EPHB1: variants seen among roughly 807,000 people sequenced by gnomAD.
EPHB1 encodes the protein ephrin type-B receptor 1.
EPHB1 carries 30 observed loss-of-function variants against 94.4 expected under a neutral mutation model. That is an observed-to-expected ratio of 0.32 (90% CI 0.24 to 0.43). EPHB1 has a LOEUF of 0.43. EPHB1 is among the 20% of genes least tolerant of loss of function. EPHB1 has a pLI of 1.00. For synonymous variants in EPHB1, 522 were observed against 489.1 expected, an observed-to-expected ratio of 1.07 and a Z score of -0.89; for missense variants, 1,055 against 1,308.3, an observed-to-expected ratio of 0.81 and a Z score of 2.99.
intron 12 of EPHB1, among the ~76,000 whole-genome samples, chr3:135,203,698 G>A (rs551846855): frequency 2.0e-5 from 3 of 152,110 alleles, no homozygotes; most frequent in Admixed American, 6.5e-5. Context: ...TCAACAATTA[G>A]GTGTGCCTTC....
At position 135,192,642 on chromosome 3, in the gene EPHB1, T is replaced by G; in HGVS notation, c.1949T>G (p.Ile650Ser). ...LPGKREIYVA[I>S]KTLKAGYSEK... ...GGCAAGAGGGAAATCTACGTGGCCA[T>G]CAAGACCCTGAAGGCAGGGTACTCG... is the stretch of plus-strand genomic sequence containing the variant. Residue 650 changes from isoleucine to serine, a missense_variant, in exon 11 of 16, where the codon ATC (isoleucine) becomes AGC (serine). Coordinates refer to ENST00000398015, the MANE Select transcript of EPHB1 (RefSeq NM_004441.5). 6.2e-7 allele frequency: 1 copy of G among 1,614,102 alleles called. No homozygotes were observed. The highest frequency in any genetic ancestry group is 8.5e-7 in the Non-Finnish European group (1 of 1,180,014).
chr3:135,096,391 C>T (rs1938762886), intron 3 of EPHB1, among the ~76,000 whole-genome samples: 1 of 152,178 alleles, frequency 6.6e-6, no homozygotes, highest in Non-Finnish European at 1.5e-5. Flanking sequence ...TAGAGCTATA[C>T]CAGAATCGCC....
Position 134,795,597 on chromosome 3 carries a change from C to T in EPHB1, c.-35C>T, listed in dbSNP as rs763513512. 3.1e-6 allele frequency: 5 copies of T among 1,598,818 alleles called. No homozygotes were observed. In the South Asian group the frequency reaches 4.4e-5, roughly 14 times the overall value. Reference sequence around the variant, plus strand: ...CGGCGCTCTCCCGGCGCTGCTGCCTCGGCTTGGTCTCGGCCTGCGGGCCGT... The same window carrying T: ...CGGCGCTCTCCCGGCGCTGCTGCCTTGGCTTGGTCTCGGCCTGCGGGCCGT... On this transcript the variant is annotated 5_prime_UTR_variant, in exon 1 of 16. Transcript: ENST00000398015.
chr3:135,062,481 G>A (rs9837752), intron 3 of EPHB1, among the ~76,000 whole-genome samples: 131,476 of 152,202 alleles, frequency 0.86, 57,120 homozygotes, highest in Admixed American at 0.92. Context: ...TTGGCCATTT[G>A]TATATTTCTT....
intron 2 of EPHB1, among the ~76,000 whole-genome samples, chr3:134,936,052 AG>A (rs1350748052): frequency 6.6e-6 from 1 of 152,050 alleles, no homozygotes; most frequent in Non-Finnish European, 1.5e-5. Context: ...CTAACCACAA[AG>A]CTCGCTTTTG....
chr3:134,795,406 AACACACAC>A lies in EPHB1; in HGVS notation c.-218_-211del. The A allele has an allele frequency of 1.9e-6, 1 of 529,694 alleles. No homozygotes were observed. The highest frequency in any genetic ancestry group is 3.3e-6 in the Non-Finnish European group (1 of 304,358). 32.8% of individuals were successfully genotyped at this position (529,694 alleles called of 1,614,324 possible). A position where few individuals can be genotyped will look rare whatever the true frequency, so the allele number is the denominator to read the frequency against. Reference sequence around the variant, plus strand: ...CACGCACACACCCACCTCTCCCATAAACACACACACACACATGCACACCCACACCCACG... The same window carrying A: ...CACGCACACACCCACCTCTCCCATAAACACACATGCACACCCACACCCACG... On this transcript the variant is annotated 5_prime_UTR_variant, in exon 1 of 16. It adds an upstream start codon to the 5' untranslated region. Transcript: ENST00000398015.
chr3:134,895,986 G>T (rs1401929611), intron 1 of EPHB1, among the ~76,000 whole-genome samples: 5 of 152,082 alleles, frequency 3.3e-5, no homozygotes, highest in African/African-American at 1.2e-4. Context: ...TTAGGGGCTG[G>T]GGAGAAGCAA....
In EPHB1 at chr3:135,090,850, T is replaced by C. The variant is rs1938525905; in HGVS notation, c.806-15598T>C. ...AAGAAGTAAAAATTATTTCTTTTGC[T>C]TACTTGTCCCACTTGAATGCTGCGT... is the stretch of plus-strand genomic sequence containing the variant. On this transcript the variant is annotated intron_variant, in intron 3 of 15. Coordinates refer to ENST00000398015, the MANE Select transcript of EPHB1 (RefSeq NM_004441.5). 3.9e-5 allele frequency among the ~76,000 whole-genome samples: 6 copies of C among 152,252 alleles called. No homozygotes were observed. The South Asian group carries it at 1.2e-3, about 31-fold the overall frequency.
At chr3:135,256,866 G>A (rs1420082973) in intron 15 of EPHB1, among the ~76,000 whole-genome samples, 1 of 150,664 alleles carries the variant, frequency 6.6e-6, no homozygotes, top group Non-Finnish European at 1.5e-5. Flanking sequence ...ATCAGACGTA[G>A]ATTTGGTCTT....
chr3:135,165,559 C>T (rs994128848), intron 7 of EPHB1, among the ~76,000 whole-genome samples: 10 of 152,204 alleles, frequency 6.6e-5, no homozygotes, highest in African/African-American at 2.4e-4. Flanking sequence ...AATCTATTGA[C>T]TCTGTGCCAT....
intron 3 of EPHB1, among the ~76,000 whole-genome samples, chr3:134,964,669 G>A (rs894565549): frequency 6.6e-6 from 1 of 152,206 alleles, no homozygotes; most frequent in African/African-American, 2.4e-5. Context: ...GGAGGCCCTT[G>A]TGACTTCAGG....
intron 3 of EPHB1, among the ~76,000 whole-genome samples, chr3:134,952,371 T>TCA (rs796675356): frequency 0.034 from 4,974 of 148,256 alleles, 293 homozygotes; most frequent in African/African-American, 0.12. Context: ...TCTCTCTCTC[T>TCA]CACACACACA....
At chr3:134,892,645 CTTTTCT>C (rs2038009715) in intron 1 of EPHB1, among the ~76,000 whole-genome samples, 1 of 149,130 alleles carries the variant, frequency 6.7e-6, no homozygotes, top group African/African-American at 2.6e-5. Flanking sequence ...TGGTAGGAGT[CTTTTCT>C]TTTTCTTTTT....
At chr3:135,177,356 TG>T (rs1020542501) in intron 9 of EPHB1, among the ~76,000 whole-genome samples, 1 of 152,204 alleles carries the variant, frequency 6.6e-6, no homozygotes, top group African/African-American at 2.4e-5. Flanking sequence ...GTGCATCTGT[TG>T]CTGCCAGTCG....
At chr3:134,965,704 A>C (rs1933714343) in intron 3 of EPHB1, among the ~76,000 whole-genome samples, 1 of 152,040 alleles carries the variant, frequency 6.6e-6, no homozygotes, top group Non-Finnish European at 1.5e-5. Flanking sequence ...TTGTAGAGAG[A>C]GCCTAAATTC....
intron 2 of EPHB1, among the ~76,000 whole-genome samples, chr3:134,946,329 C>T (rs950604198): frequency 7.9e-5 from 12 of 152,228 alleles, no homozygotes; most frequent in African/African-American, 2.7e-4. Context: ...TCAAAATTCT[C>T]AACTGGATTC....
At chr3:135,258,296 C>T (rs1933504511) in intron 15 of EPHB1, among the ~76,000 whole-genome samples, 1 of 152,132 alleles carries the variant, frequency 6.6e-6, no homozygotes, top group Non-Finnish European at 1.5e-5. Context: ...TTATGAAATG[C>T]TTTCACATAG....
At chr3:135,096,053 A>G (rs1455845228) in intron 3 of EPHB1, among the ~76,000 whole-genome samples, 1 of 152,182 alleles carries the variant, frequency 6.6e-6, no homozygotes, top group African/African-American at 2.4e-5. Context: ...GATATATCAC[A>G]ATGCCTAGCA....
At chr3:135,108,916 AG>A in intron 4 of EPHB1, among the ~76,000 whole-genome samples, 1 of 152,304 alleles carries the variant, frequency 6.6e-6, no homozygotes, top group East Asian at 1.9e-4. Flanking sequence ...ACAGACTACC[AG>A]GACAGTGGGA....
Sources: allele counts gnomAD v4.1 joint callset (sites outside exome capture counted in the v4.1 genomes callset), GRCh38; gene constraint gnomAD v4.1.1; transcripts MANE v1.5; gene names NCBI Gene and HGNC (gene_info 2026-07-23, HGNC 2026-07-21).